The following ADAMTSL1 variants were observed in gnomAD, a reference collection of about 807,000 sequenced individuals.
ADAMTSL1 encodes ADAMTS-like protein 1.
Under a neutral mutation model 201.8 loss-of-function variants are expected in ADAMTSL1, and 126 were observed. The ratio of observed to expected loss-of-function variants is 0.62; its 90% CI spans 0.54 to 0.72. ADAMTSL1 has a LOEUF of 0.72. ADAMTSL1 is among the 30% of genes least tolerant of loss of function. The pLI is 0.00. For synonymous variants in ADAMTSL1, 1,121 were observed against 903.4 expected, an observed-to-expected ratio of 1.24 and a Z score of -4.32; for missense variants, 2,679 against 2,277.8, an observed-to-expected ratio of 1.18 and a Z score of -3.59.
At chr9:18,318,753 A>G (rs1310204888) in intron 2 of ADAMTSL1, among the ~76,000 whole-genome samples, 3 of 151,938 alleles carry the variant, frequency 2.0e-5, no homozygotes, top group East Asian at 1.9e-4. Flanking sequence ...GTTTTAGGCC[A>G]TACTTTTGGC....
At chr9:18,832,661 G>A (rs10811043) in intron 23 of ADAMTSL1, among the ~76,000 whole-genome samples, 14,438 of 152,112 alleles carry the variant, frequency 0.095, 930 homozygotes, top group East Asian at 0.3. Flanking sequence ...CTAGTCAGTC[G>A]TGACATTCTT....
At chr9:18,174,444 G>A (rs1828048116) in intron 2 of ADAMTSL1, among the ~76,000 whole-genome samples, 1 of 152,050 alleles carries the variant, frequency 6.6e-6, no homozygotes, top group African/African-American at 2.4e-5. Flanking sequence ...GAACTGGAGT[G>A]GTCAGACAGC....
rs113071349 is a variant in ADAMTSL1, at chr9:18,566,890, G to T, written c.238-7140G>T. ...CATGACATGATGGCTCCTTGGACTT[G>T]GTTGTGATCAGATTCTGTGTTTTTT... On this transcript the variant is annotated intron_variant, in intron 3 of 28. Transcript: ENST00000380548. 3.9e-3 allele frequency among the ~76,000 whole-genome samples: 601 copies of T among 152,248 alleles called. 5 individuals are homozygous for T. Among genetic ancestry groups the T allele is most frequent in the African/African-American group, 0.013 (553 of 41,554 alleles).
At chr9:17,918,437 T>A (rs1362208146) in intron 1 of ADAMTSL1, among the ~76,000 whole-genome samples, 2 of 151,844 alleles carry the variant, frequency 1.3e-5, no homozygotes, top group African/African-American at 4.8e-5. Context: ...TATTTGGGGA[T>A]TATCTGGGTA....
intron 23 of ADAMTSL1, among the ~76,000 whole-genome samples, chr9:18,871,317 T>C (rs1159140108): frequency 6.6e-6 from 1 of 152,216 alleles, no homozygotes. Flanking sequence ...CTCTTTAAAA[T>C]TTTTTGCTTT....
chr9:18,636,473 A>T (rs758264627), intron 6 of ADAMTSL1, among the ~76,000 whole-genome samples: 20 of 152,164 alleles, frequency 1.3e-4, no homozygotes, highest in Non-Finnish European at 2.4e-4. Flanking sequence ...AAACAACCTT[A>T]ACACTGTAGA....
intron 2 of ADAMTSL1, among the ~76,000 whole-genome samples, chr9:18,192,301 A>T (rs984575684): frequency 6.6e-6 from 1 of 152,140 alleles, no homozygotes; most frequent in Non-Finnish European, 1.5e-5. Flanking sequence ...GGAAGGCTAA[A>T]TTCTAAATTA....
At chr9:18,682,043 G>T in intron 12 of ADAMTSL1, 84 bp downstream of exon 12, 1 of 1,385,582 alleles carries the variant, frequency 7.2e-7, no homozygotes, top group Non-Finnish European at 9.9e-7. Flanking sequence ...ATATTTTTAA[G>T]TATCCCAAGT....
intron 1 of ADAMTSL1, among the ~76,000 whole-genome samples, chr9:18,477,675 CT>C (rs1456149378): frequency 1.3e-5 from 2 of 152,224 alleles, no homozygotes; most frequent in African/African-American, 2.4e-5. Flanking sequence ...AGCTTGAAGA[CT>C]TTTCGCATAG....
chr9:17,972,949 G>A (rs955676060), intron 1 of ADAMTSL1, among the ~76,000 whole-genome samples: 2 of 149,904 alleles, frequency 1.3e-5, no homozygotes, highest in African/African-American at 4.9e-5. Context: ...TTTTTTGGCT[G>A]CATAAATGTC....
intron 1 of ADAMTSL1, among the ~76,000 whole-genome samples, chr9:18,104,079 T>C (rs1824648837): frequency 6.6e-6 from 1 of 152,194 alleles, no homozygotes; most frequent in South Asian, 2.1e-4. Flanking sequence ...AGAACTCATA[T>C]TGTTTAGAAT....
intron 4 of ADAMTSL1, among the ~76,000 whole-genome samples, chr9:18,603,883 A>C (rs1319335107): frequency 1.3e-5 from 2 of 152,218 alleles, no homozygotes; most frequent in African/African-American, 4.8e-5. Flanking sequence ...AGAAATAGAT[A>C]ATTGGTGCCA....
intron 2 of ADAMTSL1, among the ~76,000 whole-genome samples, chr9:18,298,673 TAAA>T (rs11387134): frequency 7.2e-6 from 1 of 138,688 alleles, no homozygotes; most frequent in African/African-American, 2.6e-5. Flanking sequence ...TTTAACAAGT[TAAA>T]AAAAAAAAAA....
rs1021352992 is a variant in ADAMTSL1 at position 17,937,660 on chromosome 9, A to G, written c.87+30738A>G. Among the ~76,000 whole-genome samples, 48 of 152,184 alleles carry G rather than the reference A, an allele frequency of 3.2e-4. 1 individual carries two copies. Among genetic ancestry groups the G allele is most frequent in the African/African-American group, 2.4e-5 (1 of 41,458 alleles). On this transcript the variant is annotated intron_variant, in intron 1 of 29. Transcript: ENST00000680146. ...ATTTAAATTCCTTAAATACTAAGAC[A>G]GTGAGGTTAGTTGAGAATTGGCCTA... is the stretch of plus-strand genomic sequence containing the variant.
At chr9:18,234,883 TA>T (rs1830779852) in intron 2 of ADAMTSL1, among the ~76,000 whole-genome samples, 1 of 152,204 alleles carries the variant, frequency 6.6e-6, no homozygotes, top group Non-Finnish European at 1.5e-5. Context: ...GAGCCAATTT[TA>T]AAATAAACAT....
At chr9:18,825,797 G>T (rs767996768) in intron 21 of ADAMTSL1, among the ~76,000 whole-genome samples, 12 of 151,836 alleles carry the variant, frequency 7.9e-5, no homozygotes, top group Non-Finnish European at 1.6e-4. Context: ...TTACGGAAAG[G>T]AAATTATACA....
intron 23 of ADAMTSL1, among the ~76,000 whole-genome samples, chr9:18,873,538 C>T (rs1827979100): frequency 6.6e-6 from 1 of 152,128 alleles, no homozygotes; most frequent in African/African-American, 2.4e-5. Flanking sequence ...TATCCCAGCA[C>T]CTTTTATTGA....
At chr9:18,636,389 C>T (rs927099483) in intron 6 of ADAMTSL1, among the ~76,000 whole-genome samples, 1 of 152,024 alleles carries the variant, frequency 6.6e-6, no homozygotes, top group African/African-American at 2.4e-5. Flanking sequence ...CTTCTCTTTT[C>T]TTCCTTTATT....
intron 1 of ADAMTSL1, among the ~76,000 whole-genome samples, chr9:18,122,992 G>A (rs1243479644): frequency 6.6e-6 from 1 of 152,110 alleles, no homozygotes; most frequent in African/African-American, 2.4e-5. Context: ...AAATACCTTG[G>A]CCTCCCAAAG....
Sources: gnomAD v4.1 joint callset for allele counts (sites outside exome capture counted in the v4.1 genomes callset) on GRCh38, gnomAD v4.1.1 for gene constraint, MANE v1.5 for transcripts, NCBI Gene and HGNC (gene_info 2026-07-23, HGNC 2026-07-21) for gene names.